Variants in FBXL20 observed in about 807,000 individuals in gnomAD.
The protein encoded by FBXL20 is F-box/LRR-repeat protein 20.
A neutral mutation model predicts 64.0 loss-of-function variants in FBXL20; 11 were observed. The ratio of observed to expected loss-of-function variants is 0.17; its 90% CI spans 0.11 to 0.28. The LOEUF (loss-of-function observed/expected upper bound fraction) is 0.28, where lower values mean the gene tolerates loss of function less well. Ranked by LOEUF, FBXL20 falls within the 10% of genes least tolerant of loss-of-function variation. FBXL20 has a pLI of 1.00. For missense variants in FBXL20, 303 were observed against 526.2 expected, an observed-to-expected ratio of 0.58 and a Z score of 4.15; for synonymous variants, 184 against 189.0, an observed-to-expected ratio of 0.97 and a Z score of 0.22.
chr17:39,267,779 G>A (rs2046805308), intron 12 of FBXL20, among the ~76,000 whole-genome samples: 1 of 152,122 alleles, frequency 6.6e-6, no homozygotes, highest in Non-Finnish European at 1.5e-5. Context: ...AAAGGGGGTG[G>A]GCGAGCAGGC....
At chr17:39,262,883 T>C (rs2046759616) in intron 14 of FBXL20, among the ~76,000 whole-genome samples, 1 of 151,770 alleles carries the variant, frequency 6.6e-6, no homozygotes, top group Non-Finnish European at 1.5e-5. Context: ...GCACCTGTAG[T>C]CCCAGCTACT....
intron 1 of FBXL20, among the ~76,000 whole-genome samples, chr17:39,383,566 T>G (rs7210488): frequency 0.37 from 55,536 of 150,510 alleles, 12,928 homozygotes; most frequent in African/African-American, 0.66. Context: ...AGTGTCAGAG[T>G]CTCTTTTTGT....
At chr17:39,396,930 C>G (rs1333154177) in intron 1 of FBXL20, among the ~76,000 whole-genome samples, 4 of 148,156 alleles carry the variant, frequency 2.7e-5, no homozygotes, top group Non-Finnish European at 5.9e-5. Context: ...GCACTCCAGC[C>G]TGGGCGACAG....
At chr17:39,304,677 A>T (rs2047165808) in intron 2 of FBXL20, among the ~76,000 whole-genome samples, 1 of 151,550 alleles carries the variant, frequency 6.6e-6, no homozygotes, top group Non-Finnish European at 1.5e-5. Context: ...CTCCAGCCTC[A>T]ATCACCCAGG....
chr17:39,383,069 C>T lies in FBXL20; in HGVS notation c.42+18292G>A, dbSNP rs146235824. ...TCCCAGCTACTCAGAAGGCTCAGGT[C>T]GGAGAATCTCTTGAACCCGGGAGGC... On this transcript the variant is annotated intron_variant, in intron 1 of 14. Transcript: ENST00000264658. Among the ~76,000 whole-genome samples, 1,376 of 148,124 alleles carry T rather than the reference C, an allele frequency of 9.3e-3. 18 individuals are homozygous for T. Among genetic ancestry groups the T allele is most frequent in the African/African-American group, 0.032 (1,297 of 40,250 alleles).
chr17:39,360,808 C>A (rs141566691), intron 1 of FBXL20, among the ~76,000 whole-genome samples: 202 of 152,282 alleles, frequency 1.3e-3, no homozygotes, highest in African/African-American at 4.8e-3. Flanking sequence ...ATATACCACC[C>A]CAGGAACTCC....
At chr17:39,327,696 TTTTTGTTTTG>T (rs1276352829) in intron 2 of FBXL20, among the ~76,000 whole-genome samples, 1 of 152,108 alleles carries the variant, frequency 6.6e-6, no homozygotes, top group East Asian at 1.9e-4. Context: ...ATGTATTTCT[TTTTTGTTTTG>T]TTTTGTTTTT....
intron 1 of FBXL20, among the ~76,000 whole-genome samples, chr17:39,383,312 C>G (rs2048044820): frequency 6.6e-6 from 1 of 152,050 alleles, no homozygotes; most frequent in Non-Finnish European, 1.5e-5. Context: ...CACACATACA[C>G]AGACGCACAT....
chr17:39,352,194 A>C (rs1190122338), intron 1 of FBXL20, among the ~76,000 whole-genome samples: 1 of 152,122 alleles, frequency 6.6e-6, no homozygotes, highest in Non-Finnish European at 1.5e-5. Flanking sequence ...GAGGCTCTAA[A>C]ACCAGAGGTT....
At chr17:39,315,841 G>GAA (rs1567876422) in intron 2 of FBXL20, among the ~76,000 whole-genome samples, 11 of 84,726 alleles carry the variant, frequency 1.3e-4, no homozygotes, top group Admixed American at 6.3e-4. Context: ...GAGAGAGAGA[G>GAA]AGAGAGAGAG....
At chr17:39,371,024 G>C (rs1169623678) in intron 1 of FBXL20, among the ~76,000 whole-genome samples, 1 of 151,852 alleles carries the variant, frequency 6.6e-6, no homozygotes, top group African/African-American at 2.4e-5. Context: ...TTCGAGACCA[G>C]CCTGACCACC....
At chr17:39,386,235 AG>A (rs1181206131) in intron 1 of FBXL20, among the ~76,000 whole-genome samples, 4 of 151,996 alleles carry the variant, frequency 2.6e-5, no homozygotes, top group Non-Finnish European at 5.9e-5. Flanking sequence ...TGAACCTGGG[AG>A]GCAGAGGTTG....
At chr17:39,269,660 G>A (rs527499317) in intron 11 of FBXL20, among the ~76,000 whole-genome samples, 66 of 151,994 alleles carry the variant, frequency 4.3e-4, no homozygotes, top group Non-Finnish European at 6.8e-4. Flanking sequence ...CACCATCACC[G>A]GCTAATTTTG....
intron 9 of FBXL20, 82 bp from the exon 10 acceptor site, chr17:39,275,182 A>G: frequency 7.1e-7 from 1 of 1,400,154 alleles, no homozygotes; most frequent in South Asian, 1.4e-5. Flanking sequence ...CTCTGTGAAA[A>G]TAATCACCAA....
intron 1 of FBXL20, among the ~76,000 whole-genome samples, chr17:39,388,570 G>A (rs1438106097): frequency 3.4e-5 from 5 of 148,590 alleles, no homozygotes; most frequent in South Asian, 4.3e-4. Flanking sequence ...TGCAACCTCC[G>A]CCTCTCGGGT....
intron 2 of FBXL20, among the ~76,000 whole-genome samples, chr17:39,339,090 C>G (rs1483593384): frequency 6.8e-6 from 1 of 147,336 alleles, no homozygotes; most frequent in Non-Finnish European, 1.5e-5. Flanking sequence ...ATCGCTTGAA[C>G]CTGGGAGGCG....
chr17:39,327,593 A>C (rs1212084162), intron 2 of FBXL20, among the ~76,000 whole-genome samples: 4 of 152,210 alleles, frequency 2.6e-5, no homozygotes, highest in African/African-American at 9.7e-5. Flanking sequence ...ATATAAAATT[A>C]CATAAGATGT....
intron 2 of FBXL20, among the ~76,000 whole-genome samples, chr17:39,306,880 G>A (rs1192629887): frequency 6.6e-6 from 1 of 152,184 alleles, no homozygotes; most frequent in African/African-American, 2.4e-5. Context: ...GGTTAAGCAA[G>A]GAGCAACACG....
intron 6 of FBXL20, among the ~76,000 whole-genome samples, chr17:39,292,464 G>A (rs1251015858): frequency 1.4e-5 from 2 of 139,886 alleles, no homozygotes; most frequent in Non-Finnish European, 3.1e-5. Context: ...CATGATCACA[G>A]TGCACTGCAG....
Sources: gnomAD v4.1 joint callset for allele counts (sites outside exome capture counted in the v4.1 genomes callset) on GRCh38, gnomAD v4.1.1 for gene constraint, MANE v1.5 for transcripts, NCBI Gene and HGNC (gene_info 2026-07-23, HGNC 2026-07-21) for gene names.